IRAK2: variants seen among roughly 807,000 people sequenced by gnomAD.
The protein encoded by IRAK2 is interleukin-1 receptor-associated kinase-like 2.
Under a neutral mutation model 72.0 loss-of-function variants are expected in IRAK2, and 57 were observed. The observed-to-expected ratio is 0.79, with a 90% CI of 0.64 to 0.99. IRAK2 has a LOEUF of 0.99. IRAK2 is among the 50% of genes least tolerant of loss of function. IRAK2 has a pLI of 0.00. For missense variants in IRAK2, 790 were observed against 794.4 expected (o/e 0.99, Z 0.07); for synonymous variants, 293 against 312.7 (o/e 0.94, Z 0.67).
At chr3:10,224,831 C>G (rs1216932214) in intron 9 of IRAK2, among the ~76,000 whole-genome samples, 1 of 144,368 alleles carries the variant, frequency 6.9e-6, no homozygotes, top group Non-Finnish European at 1.5e-5. Context: ...CTCCTGCCAC[C>G]CTTTTGCTCA....
intron 1 of IRAK2, among the ~76,000 whole-genome samples, chr3:10,168,846 C>T (rs932713939): frequency 6.6e-6 from 1 of 152,180 alleles, no homozygotes. Flanking sequence ...TTCCCTCTGC[C>T]TGGGACGTTC....
At chr3:10,196,566 G>A (rs1697268829) in intron 2 of IRAK2, among the ~76,000 whole-genome samples, 1 of 152,234 alleles carries the variant, frequency 6.6e-6, no homozygotes, top group African/African-American at 2.4e-5. Flanking sequence ...TTGGCCTGAT[G>A]GCAATCAGGA....
chr3:10,194,254 C>T (rs1178224749), intron 2 of IRAK2, among the ~76,000 whole-genome samples: 4 of 152,264 alleles, frequency 2.6e-5, no homozygotes, highest in Non-Finnish European at 5.9e-5. Context: ...CCAGAGCCGA[C>T]GCTTCCCCAC....
intron 2 of IRAK2, among the ~76,000 whole-genome samples, chr3:10,188,905 C>T (rs868221797): frequency 1.3e-5 from 2 of 152,224 alleles, no homozygotes; most frequent in Admixed American, 1.3e-4. Context: ...CAGTGATCCA[C>T]CCGCCTTGGC....
At chr3:10,217,101 G>A in intron 7 of IRAK2, 53 bp downstream of exon 7, 1 of 1,316,106 alleles carries the variant, frequency 7.6e-7, no homozygotes, top group African/African-American at 1.4e-5. Flanking sequence ...CCCAGCCATG[G>A]GGTCAAGGGT....
Position 10,216,920 on chromosome 3 carries a change from A to G in IRAK2, c.789-14A>G. The stretch of plus-strand genomic sequence containing the variant: ...CGTCTGACTCCTCACACCTGCACTG[A>G]CGCCCGATTCCAGATGCTGCCACCC... On this transcript the variant is annotated splice_polypyrimidine_tract_variant and intron_variant, in intron 6 of 12. Coordinates refer to ENST00000256458, the MANE Select transcript of IRAK2 (RefSeq NM_001570.4). The G allele has an allele frequency of 6.2e-7, 1 of 1,601,014 alleles. No individual in the cohort carries two copies. The highest frequency in any genetic ancestry group is 8.6e-7 in the Non-Finnish European group (1 of 1,168,124).
intron 1 of IRAK2, 66 bp from the exon 2 acceptor site, chr3:10,177,772 T>C: frequency 6.7e-7 from 1 of 1,498,106 alleles, no homozygotes; most frequent in Non-Finnish European, 9.2e-7. Flanking sequence ...TAGGGGCTAG[T>C]GTGGGGACCT....
At chr3:10,226,501 G>T in intron 10 of IRAK2, 68 bp downstream of exon 10, 2 of 1,282,158 alleles carry the variant, frequency 1.6e-6, no homozygotes, top group South Asian at 1.2e-5. Context: ...AGAGGGCAAC[G>T]ACCTCAATTC....
chr3:10,197,024 G>GC (rs1358972003), intron 2 of IRAK2, among the ~76,000 whole-genome samples: 4 of 152,032 alleles, frequency 2.6e-5, no homozygotes, highest in African/African-American at 9.7e-5. Context: ...TGTAAATAAT[G>GC]CATAATGATT....
intron 10 of IRAK2, among the ~76,000 whole-genome samples, chr3:10,227,404 C>T (rs1412919618): frequency 4.7e-5 from 7 of 150,480 alleles, no homozygotes; most frequent in African/African-American, 9.7e-5. Flanking sequence ...GCCAAGATTG[C>T]ACCACTGCAC....
rs764150424 is a variant in IRAK2 at position 10,243,322 on chromosome 3, C to A, written c.*1094C>A. ...TGTTGGGATTACAGGCTTGAGCCAC[C>A]GCACCCGGCCGAGAATATGTGTTGT... On this transcript the variant is annotated 3_prime_UTR_variant, in exon 13 of 13. Transcript: ENST00000256458. 1 of 152,610 alleles carries A rather than the reference C, an allele frequency of 6.6e-6. No individual in the cohort carries two copies. The highest frequency in any genetic ancestry group is 1.5e-5 in the Non-Finnish European group (1 of 68,052). The allele number at this position is 152,610 out of a possible 1,614,324, so 9.5% of individuals were successfully genotyped here.
chr3:10,224,853 G>A (rs550174169), intron 9 of IRAK2, among the ~76,000 whole-genome samples: 1 of 148,378 alleles, frequency 6.7e-6, no homozygotes, highest in South Asian at 2.2e-4. Context: ...CCCTGCCTCT[G>A]GTTGACTGAT....
intron 10 of IRAK2, among the ~76,000 whole-genome samples, chr3:10,233,381 T>A (rs12638403): frequency 0.066 from 10,114 of 152,176 alleles, 511 homozygotes; most frequent in East Asian, 0.21. Context: ...ATATTTAGTA[T>A]GTTTGTAACA....
At chr3:10,184,804 A>C (rs536725966) in intron 2 of IRAK2, among the ~76,000 whole-genome samples, 1 of 139,342 alleles carries the variant, frequency 7.2e-6, no homozygotes, top group South Asian at 2.2e-4. Flanking sequence ...ATCTCGGCTC[A>C]CTGCAAGCTC....
At position 10,209,614 on chromosome 3, in the gene IRAK2, GCCGGCCTTTCTCCAGCCTCCTGAA is replaced by G. The variant is rs1697487055; in HGVS notation, c.451_474del (p.Pro151_Glu158del). On this transcript the variant is annotated inframe_deletion, in exon 4 of 13. Transcript: ENST00000256458. ...GGTCCTCTCCAGCCAGAGCCCACCA[GCCGGCCTTTCTCCAGCCTCCTGAA>G]GAAGATGCCCCTCATTCCTTGAGAA... 3 of 1,567,356 alleles carry G rather than the reference GCCGGCCTTTCTCCAGCCTCCTGAA, an allele frequency of 1.9e-6. No individual in the cohort carries two copies. The East Asian group carries it at 7.4e-5, about 39-fold the overall frequency.
At chr3:10,209,752 C>G (rs1697490089) in intron 4 of IRAK2, 60 bp downstream of exon 4, 5 of 1,055,790 alleles carry the variant, frequency 4.7e-6, no homozygotes, top group Non-Finnish European at 6.6e-6. Context: ...AGTTCCCTCT[C>G]AAAAATGCAA....
intron 2 of IRAK2, among the ~76,000 whole-genome samples, chr3:10,197,704 T>G (rs1033762321): frequency 2.7e-5 from 4 of 147,422 alleles, no homozygotes; most frequent in African/African-American, 1.0e-4. Context: ...TACAAAAAAT[T>G]AGCCGGGTGT....
At chr3:10,172,238 G>T (rs1696805383) in intron 1 of IRAK2, among the ~76,000 whole-genome samples, 3 of 151,534 alleles carry the variant, frequency 2.0e-5, no homozygotes, top group Non-Finnish European at 2.9e-5. Flanking sequence ...ATGGTGGCAG[G>T]CGCCTGTAGT....
intron 2 of IRAK2, among the ~76,000 whole-genome samples, chr3:10,194,330 G>T (rs970882149): frequency 6.6e-6 from 1 of 152,228 alleles, no homozygotes; most frequent in Non-Finnish European, 1.5e-5. Flanking sequence ...TCATGATCCT[G>T]CAGAATCAAC....
Sources: allele counts gnomAD v4.1 joint callset (sites outside exome capture counted in the v4.1 genomes callset), GRCh38; gene constraint gnomAD v4.1.1; transcripts MANE v1.5; gene names NCBI Gene and HGNC (gene_info 2026-07-23, HGNC 2026-07-21).